Variants in MTHFD1L observed in about 807,000 individuals in gnomAD.
MTHFD1L encodes the protein methylenetetrahydrofolate dehydrogenase (NADP+ dependent) 1 like.
Under a neutral mutation model 119.5 loss-of-function variants are expected in MTHFD1L, and 81 were observed. That is an observed-to-expected ratio of 0.68 (90% CI 0.57 to 0.82). MTHFD1L has a LOEUF of 0.82. MTHFD1L is among the 40% of genes least tolerant of loss of function. The pLI is 0.00. For synonymous variants in MTHFD1L, 430 were observed against 475.2 expected (o/e 0.90, Z 1.24); for missense variants, 1,125 against 1,253.4 (o/e 0.90, Z 1.55).
chr6:150,926,108 G>A lies in MTHFD1L; in HGVS notation c.1083-14G>A. 1 of 1,608,908 alleles carries A rather than the reference G, an allele frequency of 6.2e-7. No individual in the cohort carries two copies. The highest frequency in any genetic ancestry group is 8.5e-7 in the Non-Finnish European group (1 of 1,176,282). Reference sequence around the variant, plus strand: ...AGAAGCCTTTTCTCTCTTTCGTATTGTCTTTCCCCTCAGTGACATTGAGAT... The same window carrying A: ...AGAAGCCTTTTCTCTCTTTCGTATTATCTTTCCCCTCAGTGACATTGAGAT... On this transcript the variant is annotated splice_polypyrimidine_tract_variant and intron_variant, in intron 10 of 27. Coordinates refer to ENST00000367321, the MANE Select transcript of MTHFD1L (RefSeq NM_015440.5). The surrounding 1 kb of genome is among the most constrained non-coding windows in gnomAD (Gnocchi z 4.3).
At chr6:150,923,111 C>A (rs1007907303) in intron 10 of MTHFD1L, among the ~76,000 whole-genome samples, 1 of 152,076 alleles carries the variant, frequency 6.6e-6, no homozygotes, top group Non-Finnish European at 1.5e-5. Context: ...GATAAAGGAC[C>A]GTCCAAACCA....
chr6:150,968,127 A>G (rs565712626), intron 19 of MTHFD1L, among the ~76,000 whole-genome samples: 1 of 152,056 alleles, frequency 6.6e-6, no homozygotes, highest in South Asian at 2.1e-4. Context: ...AAGCCACAGG[A>G]ATGTGCAGCC....
At chr6:150,934,891 T>C in intron 11 of MTHFD1L, 3 of 1,501,548 alleles carry the variant, frequency 2.0e-6, no homozygotes, top group South Asian at 2.8e-5. Flanking sequence ...GTCTTATAGC[T>C]GGATCAGCTA....
chr6:150,963,286 G>A (rs1796720295), intron 18 of MTHFD1L, among the ~76,000 whole-genome samples: 1 of 152,070 alleles, frequency 6.6e-6, no homozygotes, highest in African/African-American at 2.4e-5. Flanking sequence ...TATCATGTGT[G>A]TTTTATACAC....
chr6:151,044,503 A>G (rs1016822355), intron 26 of MTHFD1L, among the ~76,000 whole-genome samples: 3 of 151,536 alleles, frequency 2.0e-5, no homozygotes, highest in Non-Finnish European at 4.4e-5. Flanking sequence ...GCATTTCACT[A>G]TGTTGTTCAG....
At chr6:151,032,049 T>C (rs1785403414) in intron 24 of MTHFD1L, among the ~76,000 whole-genome samples, 1 of 152,244 alleles carries the variant, frequency 6.6e-6, no homozygotes, top group African/African-American at 2.4e-5. Context: ...CCATGGAATT[T>C]ATTAGCATAG....
intron 27 of MTHFD1L, chr6:151,099,847 C>T (rs1007886607): frequency 1.3e-5 from 20 of 1,595,262 alleles, no homozygotes; most frequent in Admixed American, 3.3e-5. Flanking sequence ...CTCCAAGAAC[C>T]GCAAAGCCAT....
chr6:150,960,358 G>A lies in MTHFD1L; in HGVS notation c.1887G>A (p.Leu629=), dbSNP rs200017029. The change falls in exon 18 of 28, where the codon CTG becomes CTA. Residue 629 remains leucine (L), a synonymous_variant. Coordinates refer to ENST00000367321, the MANE Select transcript of MTHFD1L (RefSeq NM_015440.5). The part of the protein sequence containing the change: ...TDSLADMKAR[L]GRMVVASDKS... ...GCCTCGCAGACATGAAGGCACGGCT[G>A]GGAAGGATGGTGGTGGCCAGTGACA... is the stretch of plus-strand genomic sequence containing the variant. 4 of 1,614,008 alleles carry A rather than the reference G, an allele frequency of 2.5e-6. No individual in the cohort carries two copies. The Admixed American group carries it at 6.7e-5, about 27-fold the overall frequency.
chr6:150,920,836 G>A lies in MTHFD1L; in HGVS notation c.985-1369G>A, dbSNP rs148644314. On this transcript the variant is annotated intron_variant, in intron 9 of 27. Transcript: ENST00000367321. ...CACCCAGGCTGGAATGCAGTGGCACGATCTCAGCTCACTGCAGCCTCCACC... is the reference window on the plus strand; with the variant it reads ...CACCCAGGCTGGAATGCAGTGGCACAATCTCAGCTCACTGCAGCCTCCACC... 1.6e-3 allele frequency among the ~76,000 whole-genome samples: 244 copies of A among 151,852 alleles called. 1 individual carries two copies. The highest frequency in any genetic ancestry group is 5.6e-3 in the African/African-American group (230 of 41,424).
At chr6:150,993,671 A>G (rs1249985958) in intron 20 of MTHFD1L, among the ~76,000 whole-genome samples, 4 of 152,074 alleles carry the variant, frequency 2.6e-5, no homozygotes, top group Non-Finnish European at 5.9e-5. Flanking sequence ...TCCTGCACAT[A>G]GATCTTGTGC....
At position 151,034,023 on chromosome 6, in the gene MTHFD1L, GA is replaced by G. The variant is rs61123626; in HGVS notation, c.2587-462del. 3.2e-3 allele frequency among the ~76,000 whole-genome samples: 490 copies of G among 151,744 alleles called. 2 individuals are homozygous for G. The highest frequency in any genetic ancestry group is 0.011 in the African/African-American group (467 of 41,396). The stretch of plus-strand genomic sequence containing the variant: ...AAACCCAGTCTCTACAAAAAATGCA[GA>G]AAAAAAATTAGCTTGGAGTCATGGT... On this transcript the variant is annotated intron_variant, in intron 24 of 27. Coordinates refer to ENST00000367321, the MANE Select transcript of MTHFD1L (RefSeq NM_015440.5).
intron 10 of MTHFD1L, 127 bp from the exon 11 acceptor site, chr6:150,925,994 TG>T: frequency 1.4e-6 from 1 of 726,844 alleles, no homozygotes; most frequent in Non-Finnish European, 2.2e-6. Context: ...TATTACTGCC[TG>T]GGAGAAAGGA....
At position 151,005,020 on chromosome 6, in the gene MTHFD1L, A is replaced by T. The variant is rs1781190707; in HGVS notation, c.2126-4799A>T. On this transcript the variant is annotated intron_variant, in intron 20 of 27. Coordinates refer to ENST00000367321, the MANE Select transcript of MTHFD1L (RefSeq NM_015440.5). ...AAGTCTATATTGAATTTAACATTAA[A>T]TAATTATTTGGCCTGTATCTCTTTT... Among the ~76,000 whole-genome samples, 3 of 151,666 alleles carry T rather than the reference A, an allele frequency of 2.0e-5. No homozygotes were observed. The South Asian group carries it at 6.2e-4, about 31-fold the overall frequency.
At chr6:150,918,329 C>T (rs1388045697) in intron 8 of MTHFD1L, among the ~76,000 whole-genome samples, 2 of 152,192 alleles carry the variant, frequency 1.3e-5, no homozygotes, top group Admixed American at 6.5e-5. Flanking sequence ...TCCCAAAGTG[C>T]TGGGATTACA....
intron 26 of MTHFD1L, among the ~76,000 whole-genome samples, chr6:151,043,652 A>T (rs1477433610): frequency 6.6e-6 from 1 of 152,204 alleles, no homozygotes. Flanking sequence ...ACTGTTTTCC[A>T]TTGACTTCGC....
At chr6:150,944,443 A>G in intron 13 of MTHFD1L, 43 bp from the exon 14 acceptor site, 2 of 1,452,370 alleles carry the variant, frequency 1.4e-6, no homozygotes, top group Non-Finnish European at 1.9e-6. Flanking sequence ...GCGAGACCCT[A>G]TTTCTGAAAA....
At chr6:150,978,840 C>T (rs116130034) in intron 20 of MTHFD1L, among the ~76,000 whole-genome samples, 522 of 152,178 alleles carry the variant, frequency 3.4e-3, no homozygotes, top group African/African-American at 0.012. Context: ...TGACAGAGGA[C>T]GTGACCTGAG....
Position 150,927,462 on chromosome 6 carries a change from T to TC in MTHFD1L, c.1256+1167_1256+1168insC, listed in dbSNP as rs1228959906. Among the ~76,000 whole-genome samples, 5 of 150,652 alleles carry TC rather than the reference T, an allele frequency of 3.3e-5. No individual in the cohort carries two copies. The East Asian group carries it at 5.9e-4, about 18-fold the overall frequency. On this transcript the variant is annotated intron_variant, in intron 11 of 27. Transcript: ENST00000367321. ...TCACTCACATCCCAGATTCTTTTTT[T>TC]TTTTTTTTTTTTGAGACAGAGTCTT...
intron 2 of MTHFD1L, 117 bp from the exon 3 acceptor site, chr6:150,877,517 A>G (rs1469145551): frequency 1.7e-6 from 2 of 1,145,358 alleles, no homozygotes; most frequent in Non-Finnish European, 2.5e-6. Flanking sequence ...GTTTTTCTGC[A>G]CCTTCCATAT....
Sources: allele counts gnomAD v4.1 joint callset (sites outside exome capture counted in the v4.1 genomes callset), GRCh38; gene constraint gnomAD v4.1.1; non-coding constraint Gnocchi (gnomAD v3.1); transcripts MANE v1.5; gene names NCBI Gene and HGNC (gene_info 2026-07-23, HGNC 2026-07-21).